Variants in PCDHGB3 observed in about 807,000 individuals in gnomAD.
PCDHGB3 encodes protocadherin gamma-B3.
In PCDHGB3, 40 loss-of-function variants were observed where a neutral mutation model predicts 59.2. The observed-to-expected ratio is 0.68, with a 90% confidence interval of 0.52 to 0.88. The LOEUF (loss-of-function observed/expected upper bound fraction) is 0.88. PCDHGB3 is among the 40% of genes least tolerant of loss of function. The probability of loss-of-function intolerance (pLI) is 0.00; values close to 1 mark genes in which losing one functional copy is unlikely to be tolerated. For synonymous variants in PCDHGB3, 581 were observed against 503.6 expected (o/e 1.15, Z -2.06); for missense variants, 1,309 against 1,187.9 (o/e 1.10, Z -1.50).
chr5:141,464,655 G>T (rs1326749316), intron 1 of PCDHGB3, among the ~76,000 whole-genome samples: 1 of 152,070 alleles, frequency 6.6e-6, no homozygotes. Flanking sequence ...TGGGTAAAAA[G>T]ATATCTCCAA....
intron 1 of PCDHGB3, chr5:141,418,432 T>C (rs954268296): frequency 1.9e-6 from 3 of 1,613,838 alleles, no homozygotes; most frequent in African/African-American, 1.3e-5. Context: ...GTGGCAAATA[T>C]CCAGAATTAG....
Position 141,431,478 on chromosome 5 carries a change from C to T in PCDHGB3, c.2415+58669C>T, listed in dbSNP as rs1163422580. On this transcript the variant is annotated intron_variant, in intron 1 of 3. Coordinates refer to ENST00000576222, the MANE Select transcript of PCDHGB3 (RefSeq NM_018924.5). The surrounding 1 kb of genome is among the most constrained non-coding windows in gnomAD (Gnocchi z 4.8). ...GTTCTGGATGCGAACGACAACGCAC[C>T]AGCGTTTGCTCAGCCCGAGTACCGC... The T allele has an allele frequency of 6.2e-7, 1 of 1,613,748 alleles. No individual in the cohort carries two copies. The highest frequency in any genetic ancestry group is 8.5e-7 in the Non-Finnish European group (1 of 1,179,976).
chr5:141,476,665 C>T lies in PCDHGB3; in HGVS notation c.2416-18142C>T. On this transcript the variant is annotated intron_variant, in intron 1 of 3. Coordinates refer to ENST00000576222, the MANE Select transcript of PCDHGB3 (RefSeq NM_018924.5). This position sits in a 1 kb window ranked among gnomAD's most constrained non-coding sequence, Gnocchi z 7.6. ...GCCGAAATGAATACTTTGCGCTTCG[C>T]GTGCAGACGCGGGAGGACAGCACCA... 6.2e-7 allele frequency: 1 copy of T among 1,614,240 alleles called. No homozygotes were observed. Among genetic ancestry groups the T allele is most frequent in the East Asian group, 2.2e-5 (1 of 44,882 alleles).
intron 1 of PCDHGB3, chr5:141,404,968 G>A: frequency 6.2e-7 from 1 of 1,613,964 alleles, no homozygotes. Context: ...CAGACATCCT[G>A]GCTGACCTGG....
At chr5:141,395,498 C>T (rs1055094075) in intron 1 of PCDHGB3, 1 of 484,580 alleles carries the variant, frequency 2.1e-6, no homozygotes, top group Non-Finnish European at 3.6e-6. Context: ...CACTCATTCA[C>T]TTAAGAAGTA....
intron 1 of PCDHGB3, among the ~76,000 whole-genome samples, chr5:141,462,223 G>A (rs563764515): frequency 2.0e-5 from 3 of 152,144 alleles, no homozygotes; most frequent in Admixed American, 2.0e-4. Flanking sequence ...GCCTCCCAAA[G>A]TGCAGGGATT....
intron 1 of PCDHGB3, among the ~76,000 whole-genome samples, chr5:141,469,170 G>A (rs2099192781): frequency 6.6e-6 from 1 of 152,042 alleles, no homozygotes; most frequent in South Asian, 2.1e-4. Context: ...CAGCTACTTG[G>A]GAGGCTGAGG....
In PCDHGB3 at chr5:141,372,040, G is replaced by T; in HGVS notation, c.1646G>T (p.Arg549Leu). The change falls in exon 1 of 4, where the codon CGC becomes CTC. Residue 549 changes from arginine (R) to leucine (L), a missense_variant. By Grantham distance (102) the Arg-to-Leu change is moderately radical. Transcript: ENST00000576222. ...ACGCTCAGCGCCAACGTGAGCCTGCGCGTGTTGGTGGACGACCGCAACGAC... is the reference window on the plus strand; with the variant it reads ...ACGCTCAGCGCCAACGTGAGCCTGCTCGTGTTGGTGGACGACCGCAACGAC... ...SPTLSANVSLRVLVDDRNDNA... is the reference protein window; with the variant it reads ...SPTLSANVSLLVLVDDRNDNA... The T allele has an allele frequency of 6.2e-7, 1 of 1,613,472 alleles. No individual in the cohort carries two copies. Among genetic ancestry groups the T allele is most frequent in the Non-Finnish European group, 8.5e-7 (1 of 1,179,772 alleles).
In PCDHGB3 at chr5:141,511,067, C is replaced by T. The variant is rs760786015; in HGVS notation, c.2684C>T (p.Pro895Leu). The change falls in exon 4 of 4, where the codon CCA (proline) becomes CTA (leucine). Residue 895 changes from proline (P) to leucine (L), a missense_variant. Pro to Leu is a moderately conservative substitution (Grantham distance 98). Coordinates refer to ENST00000576222, the MANE Select transcript of PCDHGB3 (RefSeq NM_018924.5). ...VPDYRQNVYI[P>L]GSNATLTNAA... ...GACTACCGCCAGAATGTCTACATCC[C>T]AGGCAGCAATGCCACACTGACCAAC... 7.4e-6 allele frequency: 12 copies of T among 1,614,136 alleles called. No homozygotes were observed. Among genetic ancestry groups the T allele is most frequent in the African/African-American group, 1.3e-5 (1 of 74,942 alleles).
intron 1 of PCDHGB3, among the ~76,000 whole-genome samples, chr5:141,420,845 G>A (rs1038454602): frequency 6.6e-6 from 1 of 152,200 alleles, no homozygotes; most frequent in African/African-American, 2.4e-5. Flanking sequence ...GGTGTTCTTG[G>A]TAAAGTTTTA....
At position 141,408,734 on chromosome 5, in the gene PCDHGB3, T is replaced by C. The variant is rs376769558; in HGVS notation, c.2415+35925T>C. 1.5e-4 allele frequency: 244 copies of C among 1,610,058 alleles called. No homozygotes were observed. The highest frequency in any genetic ancestry group is 1.9e-4 in the Non-Finnish European group (226 of 1,177,812). On this transcript the variant is annotated intron_variant, in intron 1 of 3. Transcript: ENST00000576222. ...TTATAAGATAAACTCTAATCCTTAT[T>C]TTTCATTAATGGTTAGAGTTAATTC...
Position 141,427,760 on chromosome 5 carries a change from T to C in PCDHGB3, c.2415+54951T>C, listed in dbSNP as rs1464459008. On this transcript the variant is annotated intron_variant, in intron 1 of 3. Coordinates refer to ENST00000576222, the MANE Select transcript of PCDHGB3 (RefSeq NM_018924.5). The stretch of plus-strand genomic sequence containing the variant: ...AAGTCTCCTACTCCATCGTTACCAC[T>C]GACTTGGAGCTGCGGGCACTGTCGT... The C allele has an allele frequency of 4.4e-6, 6 of 1,360,822 alleles. No individual in the cohort carries two copies. The Admixed American group carries it at 5.1e-5, about 12-fold the overall frequency. 84.3% of individuals were successfully genotyped at this position (1,360,822 alleles called of 1,614,324 possible).
chr5:141,410,238 C>CA, intron 1 of PCDHGB3: 1 of 1,614,046 alleles, frequency 6.2e-7, no homozygotes, highest in Non-Finnish European at 8.5e-7. Context: ...AGCGACCGCC[C>CA]TGTACTCTCT....
chr5:141,491,857 G>A lies in PCDHGB3; in HGVS notation c.2416-2950G>A. Reference sequence around the variant, plus strand: ...CTCGGGATCATTGGACCGTTTGCGCGAAACCAGAGTGGCCGATTAAGGGAT... The same window carrying A: ...CTCGGGATCATTGGACCGTTTGCGCAAAACCAGAGTGGCCGATTAAGGGAT... On this transcript the variant is annotated intron_variant, in intron 1 of 3. Transcript: ENST00000576222. This position sits in a 1 kb window ranked among gnomAD's most constrained non-coding sequence, Gnocchi z 6.9. The A allele has an allele frequency of 6.9e-7, 1 of 1,457,470 alleles. No homozygotes were observed. The highest frequency in any genetic ancestry group is 1.5e-5 in the South Asian group (1 of 68,508). The allele number at this position is 1,457,470 out of a possible 1,614,324, so 90.3% of individuals were successfully genotyped here. A position where few individuals can be genotyped will look rare whatever the true frequency, so the allele number is the denominator to read the frequency against.
chr5:141,389,530 T>C (rs963241883), intron 1 of PCDHGB3: 1 of 1,613,208 alleles, frequency 6.2e-7, no homozygotes, highest in African/African-American at 1.3e-5. Context: ...CTGCGCGTGT[T>C]AGTGGACGAC....
At chr5:141,455,185 T>C (rs1334330699) in intron 1 of PCDHGB3, among the ~76,000 whole-genome samples, 1 of 152,064 alleles carries the variant, frequency 6.6e-6, no homozygotes, top group Admixed American at 6.6e-5. Flanking sequence ...TTTTTATTTC[T>C]CTACAAATTT....
Position 141,487,306 on chromosome 5 carries a change from ACT to A in PCDHGB3, c.2416-7496_2416-7495del. 1 of 1,613,414 alleles carries A rather than the reference ACT, an allele frequency of 6.2e-7. No individual in the cohort carries two copies. The highest frequency in any genetic ancestry group is 8.5e-7 in the Non-Finnish European group (1 of 1,179,874). ...TCTCCTTTGGCTCATTCGTGGCACT[ACT>A]CTCTAAGTGTCTTCGTGGGGCAGCC... On this transcript the variant is annotated intron_variant, in intron 1 of 3. Coordinates refer to ENST00000576222, the MANE Select transcript of PCDHGB3 (RefSeq NM_018924.5). The surrounding 1 kb of genome is among the most constrained non-coding windows in gnomAD (Gnocchi z 5.0).
intron 1 of PCDHGB3, chr5:141,400,723 C>A (rs1317017521): frequency 6.1e-6 from 4 of 660,798 alleles, no homozygotes; most frequent in Non-Finnish European, 7.7e-6. Flanking sequence ...TATAGATTTA[C>A]AAAGTAGTGA....
Position 141,418,036 on chromosome 5 carries a change from G to C in PCDHGB3, c.2415+45227G>C, listed in dbSNP as rs933500300. ...CTAAGGATCTAGGGCTTAGTGTCCT[G>C]GATGTGTCGGCTCGCGAGCTGCGAG... On this transcript the variant is annotated intron_variant, in intron 1 of 3. Coordinates refer to ENST00000576222, the MANE Select transcript of PCDHGB3 (RefSeq NM_018924.5). 3.7e-6 allele frequency: 6 copies of C among 1,613,902 alleles called. No individual in the cohort carries two copies. The African/African-American group carries it at 8.0e-5, about 22-fold the overall frequency.
Sources: gnomAD v4.1 joint callset for allele counts (sites outside exome capture counted in the v4.1 genomes callset) on GRCh38, gnomAD v4.1.1 for gene constraint, Gnocchi (gnomAD v3.1) non-coding constraint, MANE v1.5 for transcripts, NCBI Gene and HGNC (gene_info 2026-07-23, HGNC 2026-07-21) for gene names.